Variants in SAMD12 observed in about 807,000 individuals in gnomAD.
The protein encoded by SAMD12 is sterile alpha motif domain containing 12.
A neutral mutation model predicts 15.0 loss-of-function variants in SAMD12; 9 were observed. That is an observed-to-expected ratio of 0.60 (90% confidence interval 0.36 to 1.05). SAMD12 has a LOEUF of 1.05. SAMD12 is among the 50% of genes least tolerant of loss of function. The probability of loss-of-function intolerance (pLI) is 0.01; values close to 1 mark genes in which losing one functional copy is unlikely to be tolerated. For synonymous variants in SAMD12, 86 were observed against 90.1 expected (o/e 0.96, Z 0.25); for missense variants, 230 against 234.2 (o/e 0.98, Z 0.12).
chr8:118,447,892 AT>A (rs60480616), intron 2 of SAMD12, among the ~76,000 whole-genome samples: 3,671 of 149,506 alleles, frequency 0.025, 131 homozygotes, highest in African/African-American at 0.085. Flanking sequence ...TGCGTGGCTA[AT>A]TTTTTTTTGT....
At chr8:118,213,165 A>G (rs773965138) in intron 4 of SAMD12, among the ~76,000 whole-genome samples, 1 of 152,198 alleles carries the variant, frequency 6.6e-6, no homozygotes. Flanking sequence ...ATGGCTGCAA[A>G]TATTTTGTCA....
intron 2 of SAMD12, among the ~76,000 whole-genome samples, chr8:118,525,167 C>G (rs571808410): frequency 6.6e-6 from 1 of 152,154 alleles, no homozygotes; most frequent in Non-Finnish European, 1.5e-5. Flanking sequence ...GCACATCAAG[C>G]ATGCTCTGCC....
intron 4 of SAMD12, among the ~76,000 whole-genome samples, chr8:118,369,614 T>G (rs1035063158): frequency 6.6e-6 from 1 of 151,604 alleles, no homozygotes; most frequent in Non-Finnish European, 1.5e-5. Context: ...ACTCAGGAGG[T>G]TGAAGCAGGA....
intron 3 of SAMD12, among the ~76,000 whole-genome samples, chr8:118,388,495 T>G (rs575018372): frequency 1.1e-3 from 165 of 152,338 alleles, no homozygotes; most frequent in Non-Finnish European, 2.2e-3. Flanking sequence ...TACTTTTTAC[T>G]TCTAGAGTAC....
intron 2 of SAMD12, among the ~76,000 whole-genome samples, chr8:118,550,828 A>G (rs1826307386): frequency 6.6e-6 from 1 of 151,486 alleles, no homozygotes; most frequent in African/African-American, 2.4e-5. Flanking sequence ...AAAAGGATGG[A>G]GGAAGATCTA....
chr8:118,404,889 T>C (rs1821052451), intron 3 of SAMD12, among the ~76,000 whole-genome samples: 1 of 152,172 alleles, frequency 6.6e-6, no homozygotes. Flanking sequence ...CTTGAACTCC[T>C]GGGCTCAAGT....
chr8:118,144,612 G>T, the SAMD12 span, among the ~76,000 whole-genome samples: 3 of 151,670 alleles, frequency 2.0e-5, no homozygotes, highest in East Asian at 3.9e-4. Context: ...TTAAAAATTG[G>T]TGCAAGGAAG....
At chr8:118,460,329 T>C (rs1563873834) in intron 2 of SAMD12, among the ~76,000 whole-genome samples, 1 of 152,204 alleles carries the variant, frequency 6.6e-6, no homozygotes, top group East Asian at 1.9e-4. Flanking sequence ...TTATTTAACA[T>C]TTATGAAGCA....
At chr8:118,398,182 A>ATCATTT (rs1227726230) in intron 3 of SAMD12, among the ~76,000 whole-genome samples, 10 of 152,312 alleles carry the variant, frequency 6.6e-5, no homozygotes, top group Admixed American at 3.9e-4. Context: ...AGATCATTTG[A>ATCATTT]GGTCAGCACT....
Position 118,316,945 on chromosome 8 carries a change from G to A in SAMD12, c.433+62615C>T, listed in dbSNP as rs561781620. Among the ~76,000 whole-genome samples the A allele has an allele frequency of 8.0e-5, 12 of 150,712 alleles. No homozygotes were observed. The South Asian group carries it at 1.1e-3, about 13-fold the overall frequency. ...GCTGGGATTACAGGTGTTAGCCACC[G>A]TGCCTGTCAGAGATACGAACTTTAA... On this transcript the variant is annotated intron_variant, in intron 4 of 4. Coordinates refer to the SAMD12 transcript ENST00000409003.
chr8:118,219,599 T>C (rs750623367), intron 4 of SAMD12, among the ~76,000 whole-genome samples: 40 of 152,230 alleles, frequency 2.6e-4, no homozygotes, highest in Non-Finnish European at 8.8e-5. Context: ...AATGATGCTA[T>C]GCCAGTTCTG....
intron 2 of SAMD12, among the ~76,000 whole-genome samples, chr8:118,449,139 T>G (rs1476150635): frequency 6.6e-6 from 1 of 151,098 alleles, no homozygotes; most frequent in African/African-American, 2.4e-5. Flanking sequence ...CTCTGCTCAC[T>G]GCAACCACTG....
chr8:118,191,756 T>TTCTCTCTCTCTCTCTCTCTC (rs1819380190), exon 5 of SAMD12: 2 of 15,358 alleles, frequency 1.3e-4, no homozygotes, highest in Admixed American at 1.3e-3. Flanking sequence ...ATACTGGAGA[T>TTCTCTCTCTCTCTCTCTCTC]TATATATATA....
At chr8:118,586,598 C>G (rs558880903) in intron 1 of SAMD12, among the ~76,000 whole-genome samples, 16 of 152,328 alleles carry the variant, frequency 1.1e-4, no homozygotes, top group Non-Finnish European at 2.2e-4. Context: ...CCACCTCGAC[C>G]TCCCAAATTC....
intron 3 of SAMD12, among the ~76,000 whole-genome samples, chr8:118,422,029 G>A (rs943806373): frequency 2.0e-5 from 3 of 152,212 alleles, no homozygotes; most frequent in Non-Finnish European, 4.4e-5. Flanking sequence ...AGAAGTTGCA[G>A]ATAGGGAAGT....
rs114518778 is a variant in SAMD12 at position 118,360,200 on chromosome 8, G to A, written c.433+19360C>T. Among the ~76,000 whole-genome samples, 1,015 of 152,210 alleles carry A rather than the reference G, an allele frequency of 6.7e-3. 14 individuals are homozygous for A. Among genetic ancestry groups the A allele is most frequent in the African/African-American group, 0.024 (989 of 41,510 alleles). On this transcript the variant is annotated intron_variant, in intron 4 of 4. Transcript: ENST00000409003. ...AAGGCTTGAATAGGATGGGCTCCCT[G>A]GAGTCTAAGTAATAAGTATTTCAAA... is the stretch of plus-strand genomic sequence containing the variant.
chr8:118,191,811 T>TATGGAGAGAGAGAG (rs1563686658), exon 5 of SAMD12: 1 of 8,140 alleles, frequency 1.2e-4, no homozygotes, highest in Admixed American at 2.6e-3. Flanking sequence ...TATATATATA[T>TATGGAGAGAGAGAG]AGAGAGAGAG....
chr8:118,427,779 C>T (rs10955879), intron 3 of SAMD12, among the ~76,000 whole-genome samples: 1 of 151,622 alleles, frequency 6.6e-6, no homozygotes, highest in Non-Finnish European at 1.5e-5. Flanking sequence ...TTCCATTTCT[C>T]CTGGGTAGAT....
intron 4 of SAMD12, among the ~76,000 whole-genome samples, chr8:118,311,333 C>CT (rs1213306063): frequency 2.0e-5 from 3 of 152,164 alleles, no homozygotes; most frequent in Non-Finnish European, 4.4e-5. Context: ...AACCCACTAC[C>CT]TTTTTTTATG....
Sources: gnomAD v4.1 joint callset for allele counts (sites outside exome capture counted in the v4.1 genomes callset) on GRCh38, gnomAD v4.1.1 for gene constraint, MANE v1.5 for transcripts, NCBI Gene and HGNC (gene_info 2026-07-23, HGNC 2026-07-21) for gene names.